The following SLC6A20 variants were observed in gnomAD, a reference collection of about 807,000 sequenced individuals.
SLC6A20 encodes solute carrier family 6 member 20, also known as sodium- and chloride-dependent transporter XTRP3.
In SLC6A20, 73 loss-of-function variants were observed where a neutral mutation model predicts 64.3. The observed-to-expected ratio is 1.14, with a 90% CI of 0.94 to 1.38. The LOEUF is 1.38. SLC6A20 is among the 40% of genes most tolerant of loss of function. The probability of loss-of-function intolerance (pLI) is 0.00; values close to 1 mark genes in which losing one functional copy is unlikely to be tolerated. For synonymous variants in SLC6A20, 347 were observed against 329.6 expected, an observed-to-expected ratio of 1.05 and a Z score of -0.57; for missense variants, 725 against 772.8, an observed-to-expected ratio of 0.94 and a Z score of 0.73.
chr3:45,761,587 T>C (rs1455356035), intron 9 of SLC6A20, among the ~76,000 whole-genome samples: 2 of 152,214 alleles, frequency 1.3e-5, no homozygotes, highest in African/African-American at 2.4e-5. Context: ...CCAGGGATTT[T>C]CCCAATTTTA....
chr3:45,778,756 G>A (rs1462008384), intron 3 of SLC6A20, among the ~76,000 whole-genome samples: 1 of 152,200 alleles, frequency 6.6e-6, no homozygotes, highest in Non-Finnish European at 1.5e-5. Flanking sequence ...ACAGAGGACA[G>A]GAAACAGTCA....
At position 45,755,751 on chromosome 3, in the gene SLC6A20, A is replaced by G. The variant is rs1463180469; in HGVS notation, c.*3227T>C. The stretch of plus-strand genomic sequence containing the variant: ...TGAGACAGGATTGATTACTGGCTCA[A>G]GAGGATTCTTGAGAAATGTTCTGCT... On this transcript the variant is annotated 3_prime_UTR_variant, in exon 11 of 11. Transcript: ENST00000358525. The G allele has an allele frequency of 6.6e-6, 1 of 152,630 alleles. No homozygotes were observed. The highest frequency in any genetic ancestry group is 1.5e-5 in the Non-Finnish European group (1 of 68,036). The allele number at this position is 152,630 out of a possible 1,614,324, so 9.5% of individuals were successfully genotyped here. A position where few individuals can be genotyped will look rare whatever the true frequency, so the allele number is the denominator to read the frequency against.
chr3:45,780,638 C>G (rs946177147), intron 2 of SLC6A20, among the ~76,000 whole-genome samples: 1 of 152,022 alleles, frequency 6.6e-6, no homozygotes, highest in Non-Finnish European at 1.5e-5. Context: ...GGGGGCTGCC[C>G]GTAATTCGGT....
At position 45,759,092 on chromosome 3, in the gene SLC6A20, T is replaced by C; in HGVS notation, c.1665A>G (p.Ala555=). The part of the protein sequence containing the change: ...QLVTKDYPAY[A]LAVIGLLVAS... ...CCACAAGCAGCCCGATGACAGCCAGTGCATAGGCCGGGTAATCTTTGGTCA... is the reference window on the plus strand; with the variant it reads ...CCACAAGCAGCCCGATGACAGCCAGCGCATAGGCCGGGTAATCTTTGGTCA... Residue 555 remains alanine (A), a synonymous_variant, in exon 11 of 11, where the codon GCA becomes GCG. Transcript: ENST00000358525. The C allele has an allele frequency of 3.1e-6, 5 of 1,612,338 alleles. No individual in the cohort carries two copies. The highest frequency in any genetic ancestry group is 4.2e-6 in the Non-Finnish European group (5 of 1,179,550).
In SLC6A20 at chr3:45,756,420, T is replaced by G. The variant is rs1350528271; in HGVS notation, c.*2558A>C. 1.3e-5 allele frequency: 2 copies of G among 152,128 alleles called. No individual in the cohort carries two copies. Among genetic ancestry groups the G allele is most frequent in the African/African-American group, 4.8e-5 (2 of 41,414 alleles). 9.4% of individuals were successfully genotyped at this position (152,128 alleles called of 1,614,324 possible). ...ATAAAAGAACCTTCTGATAAGAAGA[T>G]TGAATCCACGGGGTAGATAAGATTA... is the stretch of plus-strand genomic sequence containing the variant. On this transcript the variant is annotated 3_prime_UTR_variant, in exon 11 of 11. Transcript: ENST00000358525.
At chr3:45,761,091 C>T (rs758851326) in intron 9 of SLC6A20, among the ~76,000 whole-genome samples, 1 of 152,238 alleles carries the variant, frequency 6.6e-6, no homozygotes, top group Non-Finnish European at 1.5e-5. Flanking sequence ...CTGCCCTTTG[C>T]TGCTGCTGAC....
chr3:45,763,143 A>G, intron 8 of SLC6A20, 71 bp from the exon 9 acceptor site: 1 of 1,583,178 alleles, frequency 6.3e-7, no homozygotes, highest in Non-Finnish European at 8.6e-7. Context: ...TCTCTACAGG[A>G]CAGTGGGGTC....
intron 4 of SLC6A20, among the ~76,000 whole-genome samples, 165 bp from the exon 5 acceptor site, chr3:45,772,780 G>A (rs1699898954): frequency 6.6e-6 from 1 of 152,140 alleles, no homozygotes; most frequent in Non-Finnish European, 1.5e-5. Flanking sequence ...CTCTGGGTTA[G>A]GGCTGGGGAA....
In SLC6A20 at chr3:45,782,238, A is replaced by G. The variant is rs1203929123; in HGVS notation, c.122-15T>C. ...CAGGAAACTACCTGTGGATGTCCAG[A>G]GCTGAGAGCCAGGCCACCACCAAAA... On this transcript the variant is annotated splice_polypyrimidine_tract_variant and intron_variant, in intron 1 of 10. Transcript: ENST00000358525. The G allele has an allele frequency of 6.2e-7, 1 of 1,606,146 alleles. No homozygotes were observed. The highest frequency in any genetic ancestry group is 1.1e-5 in the South Asian group (1 of 90,156).
rs771440301 is a variant in SLC6A20, at chr3:45,765,556, C to T, written c.1284G>A (p.Leu428=). 1.9e-6 allele frequency: 3 copies of T among 1,613,600 alleles called. No individual in the cohort carries two copies. Among genetic ancestry groups the T allele is most frequent in the Non-Finnish European group, 1.7e-6 (2 of 1,179,812 alleles). The change falls in exon 8 of 11, where the codon CTG becomes CTA. Residue 428 remains leucine, a synonymous_variant. Coordinates refer to ENST00000358525, the MANE Select transcript of SLC6A20 (RefSeq NM_020208.4). This position sits in a 1 kb window ranked among gnomAD's most constrained non-coding sequence, Gnocchi z 4.2. ...GCTGACCTGAGATGGCCTCCTTGGGCAGGTGGCTGGAGATGATCTTGCTGT... is the reference window on the plus strand; with the variant it reads ...GCTGACCTGAGATGGCCTCCTTGGGTAGGTGGCTGGAGATGATCTTGCTGT... ...LTDSKIISSH[L]PKEAISGLVC...
At chr3:45,777,271 C>A (rs777041060) in intron 3 of SLC6A20, among the ~76,000 whole-genome samples, 4 of 152,158 alleles carry the variant, frequency 2.6e-5, no homozygotes, top group Non-Finnish European at 5.9e-5. Context: ...GTCTGCACAC[C>A]CAGACAGTGC....
At chr3:45,771,167 A>G in intron 6 of SLC6A20, 50 bp downstream of exon 6, 1 of 1,611,204 alleles carries the variant, frequency 6.2e-7, no homozygotes, top group Non-Finnish European at 8.5e-7. Context: ...GCGACCCTTC[A>G]GCTCAGAGCT....
intron 7 of SLC6A20, among the ~76,000 whole-genome samples, chr3:45,767,545 T>C (rs1044671384): frequency 6.6e-6 from 1 of 151,886 alleles, no homozygotes; most frequent in Admixed American, 6.6e-5. Context: ...AAAGAGAGGT[T>C]AAGAGACCTG....
chr3:45,780,241 G>A (rs1208600002), intron 2 of SLC6A20, 141 bp from the exon 3 acceptor site: 2 of 672,326 alleles, frequency 3.0e-6, no homozygotes, highest in Non-Finnish European at 5.1e-6. Flanking sequence ...TGTGTGGTGA[G>A]TATTAAGCGA....
chr3:45,789,244 A>T (rs895525409), intron 1 of SLC6A20, among the ~76,000 whole-genome samples: 5 of 152,256 alleles, frequency 3.3e-5, no homozygotes, highest in Admixed American at 1.3e-4. Flanking sequence ...AAAAATAGGA[A>T]TTATACCTTC....
rs45627839 is a variant in SLC6A20, at chr3:45,762,946, G to A, written c.1430C>T (p.Thr477Met). Reference sequence around the variant, plus strand: ...CCCGTACACGTAGCACACGGCAATCGTCTCCACCAGCACGATGAGCAGCAG... The same window carrying A: ...CCCGTACACGTAGCACACGGCAATCATCTCCACCAGCACGATGAGCAGCAG... ...LSLLLIVLVETIAVCYVYGLR... is the reference protein window; with the variant it reads ...LSLLLIVLVEMIAVCYVYGLR... Residue 477 changes from threonine to methionine, a missense_variant, in exon 9 of 11, where the codon ACG (threonine) becomes ATG (methionine). Coordinates refer to ENST00000358525, the MANE Select transcript of SLC6A20 (RefSeq NM_020208.4). 55 of 1,614,074 alleles carry A rather than the reference G, an allele frequency of 3.4e-5. No homozygotes were observed. The highest frequency in any genetic ancestry group is 4.4e-5 in the South Asian group (4 of 91,076).
rs547990451 is a variant in SLC6A20, at chr3:45,789,484, A to C, written c.121+6815T>G. On this transcript the variant is annotated intron_variant, in intron 1 of 10. Transcript: ENST00000358525. ...AAAACTTTACGTGACTTAAACTTCC[A>C]CAACTGGAGAATGGTTAAGTAAGTT... 2.2e-4 allele frequency among the ~76,000 whole-genome samples: 34 copies of C among 152,348 alleles called. No individual in the cohort carries two copies. The East Asian group carries it at 5.0e-3, about 22-fold the overall frequency.
rs764763899 is a variant in SLC6A20, at chr3:45,775,413, G to A, written c.582+348C>T. On this transcript the variant is annotated intron_variant, in intron 4 of 10. Transcript: ENST00000358525. Reference sequence around the variant, plus strand: ...GAGTTGGAGAGCCAGTGGCTAGGGTGTCTCGAGGATACATACAATCTTAAA... The same window carrying A: ...GAGTTGGAGAGCCAGTGGCTAGGGTATCTCGAGGATACATACAATCTTAAA... Among the ~76,000 whole-genome samples the A allele has an allele frequency of 5.2e-4, 79 of 152,252 alleles. 1 individual carries two copies. The highest frequency in any genetic ancestry group is 1.2e-3 in the South Asian group (6 of 4,812).
Position 45,765,738 on chromosome 3 carries a change from C to A in SLC6A20, c.1102G>T (p.Val368Phe), listed in dbSNP as rs202052317. Residue 368 changes from valine (V) to phenylalanine (F), a missense_variant, in exon 8 of 11, where the codon GTC becomes TTC. Coordinates refer to ENST00000358525, the MANE Select transcript of SLC6A20 (RefSeq NM_020208.4). This position sits in a 1 kb window ranked among gnomAD's most constrained non-coding sequence, Gnocchi z 4.2. ...ATGAATGCCAGGCCAGTGCCCTGGACGGCCTGCCCAGGGTGAGAAGACACC... is the reference window on the plus strand; with the variant it reads ...ATGAATGCCAGGCCAGTGCCCTGGAAGGCCTGCCCAGGGTGAGAAGACACC... ...CSLESELDTAVQGTGLAFIVY... is the reference protein window; with the variant it reads ...CSLESELDTAFQGTGLAFIVY... 1.2e-6 allele frequency: 2 copies of A among 1,613,986 alleles called. No individual in the cohort carries two copies. Among genetic ancestry groups the A allele is most frequent in the African/African-American group, 2.7e-5 (2 of 74,900 alleles).
Sources: allele counts gnomAD v4.1 joint callset (sites outside exome capture counted in the v4.1 genomes callset), GRCh38; gene constraint gnomAD v4.1.1; non-coding constraint Gnocchi (gnomAD v3.1); transcripts MANE v1.5; gene names NCBI Gene and HGNC (gene_info 2026-07-23, HGNC 2026-07-21).